BANP: variants seen among roughly 807,000 people sequenced by gnomAD.
BANP encodes the protein protein BANP.
A neutral mutation model predicts 68.1 loss-of-function variants in BANP; 11 were observed. That is an observed-to-expected ratio of 0.16 (90% CI 0.10 to 0.27). The LOEUF (loss-of-function observed/expected upper bound fraction) is 0.27, where lower values mean the gene tolerates loss of function less well. Ranked by LOEUF, BANP falls within the 10% of genes least tolerant of loss-of-function variation. The probability of loss-of-function intolerance (pLI) is 1.00; values close to 1 mark genes in which losing one functional copy is unlikely to be tolerated. For synonymous variants in BANP, 329 were observed against 303.2 expected (o/e 1.09, Z -0.88); for missense variants, 504 against 722.7 (o/e 0.70, Z 3.47).
chr16:88,035,433 C>T (rs2079094725), intron 10 of BANP, 39 bp downstream of exon 10: 1 of 1,545,750 alleles, frequency 6.5e-7, no homozygotes. Flanking sequence ...CCTGCAGGCA[C>T]CGTGCCCACA....
At chr16:87,975,878 G>T (rs1159585027) in intron 2 of BANP, among the ~76,000 whole-genome samples, 19 of 119,496 alleles carry the variant, frequency 1.6e-4, no homozygotes, top group African/African-American at 2.8e-4. Flanking sequence ...CTTACCATGT[G>T]GTGTGTGTAA....
At chr16:88,021,989 T>G (rs1598525946) in intron 7 of BANP, among the ~76,000 whole-genome samples, 1 of 152,158 alleles carries the variant, frequency 6.6e-6, no homozygotes, top group African/African-American at 2.4e-5. Context: ...AATGAGGTTA[T>G]TGAAAGAGGG....
chr16:88,012,365 T>C (rs571310567), intron 6 of BANP, among the ~76,000 whole-genome samples: 13 of 152,228 alleles, frequency 8.5e-5, no homozygotes, highest in Non-Finnish European at 1.6e-4. Flanking sequence ...AATTAATTTT[T>C]GGCGTGGATG....
intron 5 of BANP, among the ~76,000 whole-genome samples, chr16:88,005,652 G>A (rs776487018): frequency 3.3e-5 from 5 of 152,170 alleles, no homozygotes; most frequent in Non-Finnish European, 5.9e-5. Context: ...AGTGCTGCTC[G>A]CATTGCGAGG....
At chr16:88,062,829 A>T (rs771378946) in intron 11 of BANP, among the ~76,000 whole-genome samples, 3 of 152,076 alleles carry the variant, frequency 2.0e-5, no homozygotes, top group Non-Finnish European at 2.9e-5. Context: ...AGCCTGCTCT[A>T]CCCCTGAAGG....
chr16:87,991,292 T>C (rs1039046145), intron 4 of BANP, among the ~76,000 whole-genome samples: 1 of 152,266 alleles, frequency 6.6e-6, no homozygotes, highest in South Asian at 2.1e-4. Context: ...ACAGTTTACA[T>C]ACATACAACT....
chr16:88,076,692 C>T lies in BANP; in HGVS notation c.*31C>T, dbSNP rs1335387351. On this transcript the variant is annotated 3_prime_UTR_variant, in exon 14 of 14. Transcript: ENST00000682872. Reference sequence around the variant, plus strand: ...GCCCATGGCACCAGGAGCCCCTCGCCGGCTCCGCCTACGGCCCGGCCCCCA... The same window carrying T: ...GCCCATGGCACCAGGAGCCCCTCGCTGGCTCCGCCTACGGCCCGGCCCCCA... 2.5e-6 allele frequency: 4 copies of T among 1,585,900 alleles called. No individual in the cohort carries two copies. The highest frequency in any genetic ancestry group is 1.3e-5 in the African/African-American group (1 of 74,426).
chr16:87,951,604 C>T (rs1024068089), intron 1 of BANP, 89 bp downstream of exon 1: 3 of 150,532 alleles, frequency 2.0e-5, no homozygotes, highest in Middle Eastern at 3.4e-3. Flanking sequence ...CTCCCTCCTC[C>T]TCCCGCCCGC....
At chr16:87,964,772 G>A (rs1245282604) in intron 1 of BANP, among the ~76,000 whole-genome samples, 1 of 152,232 alleles carries the variant, frequency 6.6e-6, no homozygotes, top group Non-Finnish European at 1.5e-5. Flanking sequence ...CTGGGAAGAC[G>A]AGGCCGGATC....
chr16:88,047,592 C>G (rs2082313813), intron 11 of BANP, among the ~76,000 whole-genome samples: 1 of 152,148 alleles, frequency 6.6e-6, no homozygotes, highest in Non-Finnish European at 1.5e-5. Context: ...CCAGACTCCT[C>G]CTGAACATGT....
chr16:87,987,712 C>CAAAAAAAAAAAAAAAA lies in BANP; in HGVS notation c.362+3465_362+3480dup. Among the ~76,000 whole-genome samples the CAAAAAAAAAAAAAAAA allele has an allele frequency of 5.5e-3, 167 of 30,374 alleles. 39 individuals are homozygous for CAAAAAAAAAAAAAAAA. Among genetic ancestry groups the CAAAAAAAAAAAAAAAA allele is most frequent in the Non-Finnish European group, 7.2e-3 (124 of 17,220 alleles). 19.9% of individuals were successfully genotyped at this position (30,374 alleles called of 152,430 possible). A position where few individuals can be genotyped will look rare whatever the true frequency, so the allele number is the denominator to read the frequency against. On this transcript the variant is annotated intron_variant, in intron 4 of 13. Transcript: ENST00000682872. ...CTCCAGGCTGAGCGAGACCCTAACT[C>CAAAAAAAAAAAAAAAA]AAAAAAAAAAAAAAAAAAAAAAAAA...
intron 2 of BANP, among the ~76,000 whole-genome samples, chr16:87,980,313 G>C (rs1271005748): frequency 1.3e-5 from 2 of 152,222 alleles, no homozygotes; most frequent in Non-Finnish European, 2.9e-5. Flanking sequence ...GATTTGCAGA[G>C]ATGAGGCAAT....
Position 88,076,756 on chromosome 16 carries a change from G to T in BANP, c.*95G>T. 1 of 1,043,852 alleles carries T rather than the reference G, an allele frequency of 9.6e-7. No individual in the cohort carries two copies. The highest frequency in any genetic ancestry group is 1.4e-6 in the Non-Finnish European group (1 of 733,152). The allele number at this position is 1,043,852 out of a possible 1,614,324, so 64.7% of individuals were successfully genotyped here. On this transcript the variant is annotated 3_prime_UTR_variant, in exon 14 of 14. Coordinates refer to ENST00000682872, the MANE Select transcript of BANP (RefSeq NM_001386991.1). Reference sequence around the variant, plus strand: ...CACGGCCTCGGCACAGGCAGCGGCTGCACGTGTTCTGCTGAAGTGCGTCTG... The same window carrying T: ...CACGGCCTCGGCACAGGCAGCGGCTTCACGTGTTCTGCTGAAGTGCGTCTG...
chr16:88,051,118 C>T (rs1342054764), intron 11 of BANP, among the ~76,000 whole-genome samples: 1 of 152,264 alleles, frequency 6.6e-6, no homozygotes, highest in Non-Finnish European at 1.5e-5. Context: ...CTGTTGACCG[C>T]AGCACCCGGG....
chr16:88,003,382 C>T lies in BANP; in HGVS notation c.363-913C>T. ...TATGTGCAGATCACAGAAAGGCAGGCTTCCCAGGTTGGTTTTTGGAGAGTG... is the reference window on the plus strand; with the variant it reads ...TATGTGCAGATCACAGAAAGGCAGGTTTCCCAGGTTGGTTTTTGGAGAGTG... On this transcript the variant is annotated intron_variant, in intron 4 of 13. Transcript: ENST00000682872. The surrounding 1 kb of genome is among the most constrained non-coding windows in gnomAD (Gnocchi z 6.1). The T allele has an allele frequency of 2.2e-6, 1 of 452,764 alleles. No homozygotes were observed. The allele number at this position is 452,764 out of a possible 1,614,324, so 28.0% of individuals were successfully genotyped here. A position where few individuals can be genotyped will look rare whatever the true frequency, so the allele number is the denominator to read the frequency against.
At chr16:87,976,979 T>G (rs1285933006) in intron 2 of BANP, among the ~76,000 whole-genome samples, 1 of 152,262 alleles carries the variant, frequency 6.6e-6, no homozygotes, top group African/African-American at 2.4e-5. Flanking sequence ...ATTAAAGTTC[T>G]GACAGCCTAC....
At chr16:88,011,605 G>C (rs1362232674) in intron 6 of BANP, among the ~76,000 whole-genome samples, 2 of 152,188 alleles carry the variant, frequency 1.3e-5, no homozygotes, top group Non-Finnish European at 2.9e-5. Flanking sequence ...AAAGAAAATG[G>C]TAGTGTTTAG....
chr16:87,988,895 C>G (rs2065165564), intron 4 of BANP, among the ~76,000 whole-genome samples: 1 of 152,212 alleles, frequency 6.6e-6, no homozygotes, highest in South Asian at 2.1e-4. Context: ...CTAAGGCCCC[C>G]TCTCTGTGTG....
At chr16:87,995,175 A>G (rs143188983) in intron 4 of BANP, among the ~76,000 whole-genome samples, 1 of 152,362 alleles carries the variant, frequency 6.6e-6, no homozygotes, top group Non-Finnish European at 1.5e-5. Context: ...TGTGCGCACA[A>G]TGGGCTTGGG....
Sources: allele counts gnomAD v4.1 joint callset (sites outside exome capture counted in the v4.1 genomes callset), GRCh38; gene constraint gnomAD v4.1.1; non-coding constraint Gnocchi (gnomAD v3.1); transcripts MANE v1.5; gene names NCBI Gene and HGNC (gene_info 2026-07-23, HGNC 2026-07-21).